ATP6V0A2: variants seen among roughly 807,000 people sequenced by gnomAD.
ATP6V0A2 encodes the protein V-type proton ATPase 116 kDa subunit a 2.
ATP6V0A2 carries 58 observed loss-of-function variants against 104.4 expected under a neutral mutation model. The observed-to-expected ratio is 0.56, with a 90% confidence interval of 0.45 to 0.69. The LOEUF (loss-of-function observed/expected upper bound fraction) is 0.69, where lower values mean the gene tolerates loss of function less well. Ranked by LOEUF, ATP6V0A2 falls within the 30% of genes least tolerant of loss-of-function variation. ATP6V0A2 has a pLI of 0.00. For missense variants in ATP6V0A2, 938 were observed against 1,062.9 expected (o/e 0.88, Z 1.63); for synonymous variants, 376 against 397.9 (o/e 0.95, Z 0.65).
intron 17 of ATP6V0A2, chr12:123,753,889 A>G (rs1956739277): frequency 6.3e-6 from 1 of 157,546 alleles, no homozygotes; most frequent in African/African-American, 2.4e-5. Flanking sequence ...CTAGGATCAT[A>G]GAGAAACAAA....
chr12:123,717,453 T>A (rs1956355053), intron 1 of ATP6V0A2, among the ~76,000 whole-genome samples: 1 of 151,174 alleles, frequency 6.6e-6, no homozygotes, highest in Non-Finnish European at 1.5e-5. Flanking sequence ...TTTCTTTTTT[T>A]TTTTTTTTTG....
At chr12:123,743,728 G>A in intron 9 of ATP6V0A2, 57 bp from the exon 10 acceptor site, 1 of 1,596,746 alleles carries the variant, frequency 6.3e-7, no homozygotes, top group East Asian at 2.2e-5. Flanking sequence ...CGTTGAATAT[G>A]GATAGTTATT....
chr12:123,745,067 C>A, intron 13 of ATP6V0A2, 95 bp downstream of exon 13: 3 of 1,238,154 alleles, frequency 2.4e-6, no homozygotes, highest in Non-Finnish European at 3.5e-6. Context: ...GAGCAGGGTT[C>A]ACGCTGCCCT....
At chr12:123,733,741 C>T (rs1300673702) in intron 6 of ATP6V0A2, 185 bp from the exon 7 acceptor site, 2 of 604,048 alleles carry the variant, frequency 3.3e-6, no homozygotes, top group East Asian at 5.7e-5. Context: ...ACTGGAAGCG[C>T]TCCGTGGATT....
intron 17 of ATP6V0A2, among the ~76,000 whole-genome samples, chr12:123,753,556 T>G (rs143962424): frequency 6.6e-6 from 1 of 152,372 alleles, no homozygotes; most frequent in African/African-American, 2.4e-5. Flanking sequence ...GCCCACCTCC[T>G]GACCTCACTC....
intron 17 of ATP6V0A2, chr12:123,753,915 C>T (rs1305918830): frequency 1.5e-4 from 24 of 164,660 alleles, no homozygotes; most frequent in Admixed American, 1.3e-3. Flanking sequence ...AGCTGGAAAG[C>T]GCATGAGAGT....
rs765851941 is a variant in ATP6V0A2, at chr12:123,744,668, C to T, written c.1398C>T (p.Leu466=). The change falls in exon 12 of 20, where the codon CTC becomes CTT. Residue 466 remains leucine (L), a synonymous_variant. Coordinates refer to ENST00000330342, the MANE Select transcript of ATP6V0A2 (RefSeq NM_012463.4). This position sits in a 1 kb window ranked among gnomAD's most constrained non-coding sequence, Gnocchi z 5.4. ...LMGLFSVYTG[L]IYNDCFSKSV... ...GGCTGTTCTCAGTGTACACTGGCCT[C>T]ATCTACAACGACTGCTTTTCAAAGT... 2 of 1,614,054 alleles carry T rather than the reference C, an allele frequency of 1.2e-6. No individual in the cohort carries two copies. The highest frequency in any genetic ancestry group is 1.7e-6 in the Non-Finnish European group (2 of 1,180,048).
intron 6 of ATP6V0A2, among the ~76,000 whole-genome samples, chr12:123,729,680 G>A (rs1956482592): frequency 6.6e-6 from 1 of 152,108 alleles, no homozygotes; most frequent in Non-Finnish European, 1.5e-5. Flanking sequence ...GGTGGAAAAG[G>A]AACTTGGTTT....
intron 9 of ATP6V0A2, among the ~76,000 whole-genome samples, chr12:123,743,483 G>A (rs1280891089): frequency 1.3e-5 from 2 of 151,976 alleles, no homozygotes; most frequent in Non-Finnish European, 2.9e-5. Context: ...GAGAAACCCC[G>A]TCTCTACTAA....
At chr12:123,721,144 A>G (rs1956395346) in intron 2 of ATP6V0A2, 1 of 152,418 alleles carries the variant, frequency 6.6e-6, no homozygotes, top group South Asian at 2.1e-4. Flanking sequence ...TAAACCAAAT[A>G]AAGTAGTTAG....
chr12:123,757,862 A>T, intron 19 of ATP6V0A2, 65 bp from the exon 20 acceptor site: 1 of 1,016,498 alleles, frequency 9.8e-7, no homozygotes, highest in Non-Finnish European at 1.5e-6. Flanking sequence ...TTTAACTTAT[A>T]AATGTTGTTT....
intron 4 of ATP6V0A2, among the ~76,000 whole-genome samples, chr12:123,724,995 G>T (rs962854407): frequency 2.6e-5 from 4 of 152,060 alleles, no homozygotes; most frequent in African/African-American, 9.7e-5. Flanking sequence ...GAGTGCAGTG[G>T]CACAATCTCG....
chr12:123,726,399 CAT>C (rs1956449485), intron 5 of ATP6V0A2, 114 bp downstream of exon 5: 2 of 771,052 alleles, frequency 2.6e-6, no homozygotes, highest in Non-Finnish European at 4.6e-6. Context: ...TTGAATGAAA[CAT>C]AGTGAATATT....
chr12:123,714,482 C>T (rs547804570), intron 1 of ATP6V0A2, among the ~76,000 whole-genome samples: 1 of 152,008 alleles, frequency 6.6e-6, no homozygotes, highest in African/African-American at 2.4e-5. Flanking sequence ...GTGGGAAGTA[C>T]CTGGAAAAGA....
intron 3 of ATP6V0A2, chr12:123,723,813 C>G (rs1956423176): frequency 6.6e-6 from 1 of 152,090 alleles, no homozygotes; most frequent in Admixed American, 6.5e-5. Context: ...TGCATAGTAA[C>G]TCATATGCTA....
chr12:123,746,310 C>T (rs1048469518), intron 13 of ATP6V0A2, among the ~76,000 whole-genome samples: 5 of 151,416 alleles, frequency 3.3e-5, no homozygotes, highest in Admixed American at 1.3e-4. Flanking sequence ...AATGTGTGTA[C>T]GTTATACATA....
rs1377258826 is a variant in ATP6V0A2, at chr12:123,725,038, A to G, written c.432+247A>G. On this transcript the variant is annotated intron_variant, in intron 4 of 19. Coordinates refer to ENST00000330342, the MANE Select transcript of ATP6V0A2 (RefSeq NM_012463.4). The stretch of plus-strand genomic sequence containing the variant: ...GCACCCTCCGCCTTCCGGGTTCAAG[A>G]GATTGTCCTGCCTCAGCCTCTCGAA... Among the ~76,000 whole-genome samples, 6 of 152,016 alleles carry G rather than the reference A, an allele frequency of 3.9e-5. No individual in the cohort carries two copies. In the South Asian group the frequency reaches 1.2e-3, roughly 32 times the overall value.
rs1471588921 is a variant in ATP6V0A2, at chr12:123,718,656, TTTG to T, written c.155_157del (p.Val52del). The T allele has an allele frequency of 6.2e-7, 1 of 1,612,906 alleles. No individual in the cohort carries two copies. The highest frequency in any genetic ancestry group is 1.7e-5 in the Admixed American group (1 of 59,976). On this transcript the variant is annotated inframe_deletion, in exon 2 of 20. Coordinates refer to ENST00000330342, the MANE Select transcript of ATP6V0A2 (RefSeq NM_012463.4). ...GAACGTAAGTTCTTTCCAAAGAAAA[TTTG>T]TTGGTGAGGTGAAGAGGTGTGAAGA...
chr12:123,715,785 C>T (rs1298242393), intron 1 of ATP6V0A2, among the ~76,000 whole-genome samples: 1 of 152,094 alleles, frequency 6.6e-6, no homozygotes, highest in Non-Finnish European at 1.5e-5. Flanking sequence ...TAAAAATGTC[C>T]ATATATATGT....
Sources: allele counts gnomAD v4.1 joint callset (sites outside exome capture counted in the v4.1 genomes callset), GRCh38; gene constraint gnomAD v4.1.1; non-coding constraint Gnocchi (gnomAD v3.1); transcripts MANE v1.5; gene names NCBI Gene and HGNC (gene_info 2026-07-23, HGNC 2026-07-21).